The following ZNF320 variants were observed in gnomAD, a reference collection of about 807,000 sequenced individuals.
ZNF320 encodes zinc finger protein 320, also known as zinc finger gene 320.
A neutral mutation model predicts 6.8 loss-of-function variants in ZNF320; 2 were observed. The ratio of observed to expected loss-of-function variants is 0.29; its 90% CI spans 0.12 to 0.93. The LOEUF (loss-of-function observed/expected upper bound fraction) is 0.93, where lower values mean the gene tolerates loss of function less well. ZNF320 is among the 40% of genes least tolerant of loss of function. The pLI is 0.55. For synonymous variants in ZNF320, 208 were observed against 203.2 expected (o/e 1.02, Z -0.20); for missense variants, 472 against 611.0 (o/e 0.77, Z 2.40).
At chr19:52,871,588 T>G (rs2063681822), downstream of ZNF320, among the ~76,000 whole-genome samples, 1 of 152,166 alleles carries the variant, frequency 6.6e-6, no homozygotes, top group Admixed American at 6.5e-5. Flanking sequence ...GGTCTACGGT[T>G]CTGATGGCAT....
chr19:52,890,920 G>A (rs1166537322), intron 3 of ZNF320, among the ~76,000 whole-genome samples: 5 of 151,884 alleles, frequency 3.3e-5, no homozygotes, highest in Non-Finnish European at 7.4e-5. Flanking sequence ...GAAGGCCGAG[G>A]TGGGTGGATT....
chr19:52,903,219 A>G, the ZNF320 span, among the ~76,000 whole-genome samples: 1 of 152,254 alleles, frequency 6.6e-6, no homozygotes, highest in South Asian at 2.1e-4. Flanking sequence ...TTACTATAAT[A>G]CATGCTACGC....
At position 52,863,161 on chromosome 19, in the gene ZNF320, TG is replaced by T. The variant is rs200195904; in HGVS notation, c.*867del. Reference sequence around the variant, plus strand: ...TTTTAGTAGAGACAGGGTTTTGTGATGCTGGCCAGACTGGTCTCGAACTCCT... The same window carrying T: ...TTTTAGTAGAGACAGGGTTTTGTGATCTGGCCAGACTGGTCTCGAACTCCT... On this transcript the variant is annotated 3_prime_UTR_variant, in exon 6 of 6. Transcript: ENST00000673631. Among the ~76,000 whole-genome samples, 799 of 152,280 alleles carry T rather than the reference TG, an allele frequency of 5.2e-3. 8 individuals are homozygous for T. Among genetic ancestry groups the T allele is most frequent in the African/African-American group, 0.016 (680 of 41,568 alleles).
chr19:52,889,410 C>T (rs1169423979), intron 4 of ZNF320, among the ~76,000 whole-genome samples: 3 of 151,706 alleles, frequency 2.0e-5, no homozygotes, highest in Non-Finnish European at 4.4e-5. Context: ...CAAGATCATG[C>T]CACTGTACTC....
At chr19:52,885,091 A>G (rs1045142526) in intron 5 of ZNF320, among the ~76,000 whole-genome samples, 4 of 152,088 alleles carry the variant, frequency 2.6e-5, no homozygotes, top group African/African-American at 7.2e-5. Flanking sequence ...AGTCCCAGCT[A>G]CTTGAGAGGC....
At chr19:52,890,995 T>C (rs2147873532) in intron 3 of ZNF320, among the ~76,000 whole-genome samples, 1 of 151,884 alleles carries the variant, frequency 6.6e-6, no homozygotes, top group South Asian at 2.1e-4. Context: ...TTACTAAAAA[T>C]ACAAAAAGTA....
At chr19:52,896,305 G>A (rs1291540252) in intron 1 of ZNF320, among the ~76,000 whole-genome samples, 1 of 152,144 alleles carries the variant, frequency 6.6e-6, no homozygotes, top group African/African-American at 2.4e-5. Context: ...TGACTAGGCT[G>A]GTCTCGAACT....
At chr19:52,865,556 T>C (rs1417169768) in intron 5 of ZNF320, 1 of 109,330 alleles carries the variant, frequency 9.1e-6, no homozygotes, top group African/African-American at 4.0e-5. Context: ...CATATATATT[T>C]ATATGATCAT....
intron 5 of ZNF320, among the ~76,000 whole-genome samples, chr19:52,884,410 T>C (rs1410089224): frequency 6.6e-6 from 1 of 152,036 alleles, no homozygotes; most frequent in Non-Finnish European, 1.5e-5. Context: ...CTCCACCTCA[T>C]GGGTTCAAGT....
In ZNF320 at chr19:52,876,631, G is replaced by A. The variant is rs1438357812; in HGVS notation, c.*3965C>T. ...TTCTGCCTCACCCTCCTGAATAGCT[G>A]GGATTACAGGCACTCGCCACCACAC... is the stretch of plus-strand genomic sequence containing the variant. On this transcript the variant is annotated 3_prime_UTR_variant, in exon 6 of 6. Transcript: ENST00000682928. 6.6e-6 allele frequency: 1 copy of A among 152,046 alleles called. No individual in the cohort carries two copies. Among genetic ancestry groups the A allele is most frequent in the African/African-American group, 2.4e-5 (1 of 41,392 alleles). The allele number at this position is 152,046 out of a possible 1,614,324, so 9.4% of individuals were successfully genotyped here. A position where few individuals can be genotyped will look rare whatever the true frequency, so the allele number is the denominator to read the frequency against.
chr19:52,892,883 C>A (rs58083553), intron 2 of ZNF320, among the ~76,000 whole-genome samples: 2 of 151,200 alleles, frequency 1.3e-5, no homozygotes, highest in Non-Finnish European at 2.9e-5. Flanking sequence ...TCCTCCTCTC[C>A]CTCACTCTGA....
the ZNF320 span, among the ~76,000 whole-genome samples, chr19:52,902,990 T>A: frequency 1.3e-5 from 2 of 152,214 alleles, no homozygotes; most frequent in East Asian, 1.9e-4. Context: ...ATAATTTTTT[T>A]AACTTTTTAA....
Position 52,881,752 on chromosome 19 carries a change from C to T in ZNF320, c.374G>A (p.Arg125Gln), listed in dbSNP as rs141384392. ...GTTTCCAGCATGCCTTTGATCATAT[C>T]GGTCTGTACTACTAGTCAACTTTTT... ...EIKKLTSSTD[R>Q]YDQRHAGNKP... is the part of the protein sequence containing the mutation. Residue 125 changes from arginine (R) to glutamine (Q), a missense_variant, in exon 6 of 6, where the codon CGA (arginine) becomes CAA (glutamine). By Grantham distance (43) the Arg-to-Gln change is conservative (BLOSUM62 1). This residue lies in a region of ZNF320 where 462 missense variants were observed against 559.7 expected (regional missense o/e 0.83). Coordinates refer to ENST00000682928, the MANE Select transcript of ZNF320 (RefSeq NM_001351774.2). 1.2e-4 allele frequency: 188 copies of T among 1,613,966 alleles called. 1 individual carries two copies. In the African/African-American group the frequency reaches 1.8e-3, roughly 16 times the overall value.
At chr19:52,861,994 C>G in exon 6 of ZNF320, 1 of 371,306 alleles carries the variant, frequency 2.7e-6, no homozygotes, top group Non-Finnish European at 5.5e-6. Context: ...GACCTTGCCT[C>G]AATCATGACA....
intron 5 of ZNF320, among the ~76,000 whole-genome samples, chr19:52,887,306 G>C (rs2064124763): frequency 6.6e-6 from 1 of 152,176 alleles, no homozygotes. Context: ...CTCCAACATG[G>C]AGATAACAGG....
chr19:52,886,993 G>GGAAT, intron 5 of ZNF320, among the ~76,000 whole-genome samples: 1 of 77,662 alleles, frequency 1.3e-5, no homozygotes, highest in African/African-American at 5.3e-5. Flanking sequence ...AAGGAAGGAA[G>GGAAT]GAAGGAAGGA....
At position 52,880,958 on chromosome 19, in the gene ZNF320, A is replaced by G. The variant is rs1471557588; in HGVS notation, c.1168T>C (p.Cys390Arg). ...TGERPYTCNECGKVFSTKAYL... is the reference protein window; with the variant it reads ...TGERPYTCNERGKVFSTKAYL... ...GCTTTTGTACTAAAAACCTTGCCAC[A>G]TTCATTACATGTGTAAGGTCTCTCT... Residue 390 changes from cysteine (C) to arginine (R), a missense_variant, in exon 6 of 6, where the codon TGT (cysteine) becomes CGT (arginine). Transcript: ENST00000682928. 1.2e-6 allele frequency: 2 copies of G among 1,613,492 alleles called. No homozygotes were observed. The highest frequency in any genetic ancestry group is 1.7e-6 in the Non-Finnish European group (2 of 1,179,600).
intron 4 of ZNF320, 118 bp downstream of exon 4, chr19:52,890,123 T>C (rs1225670396): frequency 1.4e-6 from 2 of 1,456,770 alleles, no homozygotes; most frequent in Non-Finnish European, 1.9e-6. Context: ...AAGGCATGGG[T>C]GATTGTGAGC....
At chr19:52,884,320 C>T (rs2064010712) in intron 5 of ZNF320, among the ~76,000 whole-genome samples, 1 of 152,124 alleles carries the variant, frequency 6.6e-6, no homozygotes, top group Non-Finnish European at 1.5e-5. Flanking sequence ...CCTACCTCAA[C>T]TGATTCTCCC....
Sources: gnomAD v4.1 joint callset for allele counts (sites outside exome capture counted in the v4.1 genomes callset) on GRCh38, gnomAD v4.1.1 for gene constraint, gnomAD v4.1.1 regional missense constraint, MANE v1.5 for transcripts, NCBI Gene and HGNC (gene_info 2026-07-23, HGNC 2026-07-21) for gene names.